Variants in GXYLT2 observed in about 807,000 individuals in gnomAD.
GXYLT2 encodes the protein glucoside xylosyltransferase 2, also known as glycosyltransferase 8 domain containing 4.
In GXYLT2, 53 loss-of-function variants were observed where a neutral mutation model predicts 45.8. That is an observed-to-expected ratio of 1.16 (90% CI 0.93 to 1.46). The LOEUF is 1.46. Among genes scored for constraint, GXYLT2 ranks in the 40% most tolerant of loss-of-function variants. The probability of loss-of-function intolerance (pLI) is 0.00; values close to 1 mark genes in which losing one functional copy is unlikely to be tolerated. For synonymous variants in GXYLT2, 219 were observed against 214.2 expected, an observed-to-expected ratio of 1.02 and a Z score of -0.19; for missense variants, 551 against 544.4, an observed-to-expected ratio of 1.01 and a Z score of -0.12.
intron 2 of GXYLT2, among the ~76,000 whole-genome samples, chr3:72,911,380 G>A: frequency 6.6e-6 from 1 of 152,128 alleles, no homozygotes; most frequent in Admixed American, 6.5e-5. Flanking sequence ...GCCCCCAATG[G>A]TCCCACCTTC....
chr3:72,918,390 C>G (rs1358299445), intron 2 of GXYLT2, among the ~76,000 whole-genome samples: 1 of 152,126 alleles, frequency 6.6e-6, no homozygotes, highest in African/African-American at 2.4e-5. Flanking sequence ...CCAAACTCTT[C>G]TTTAGATTGT....
intron 1 of GXYLT2, among the ~76,000 whole-genome samples, chr3:72,892,391 G>A (rs1709200546): frequency 6.6e-6 from 1 of 152,014 alleles, no homozygotes; most frequent in Admixed American, 6.5e-5. Flanking sequence ...CTTAAAATAT[G>A]GCTTCTAAGG....
chr3:72,915,359 G>C (rs1348936365), intron 2 of GXYLT2, among the ~76,000 whole-genome samples: 1 of 118,730 alleles, frequency 8.4e-6, no homozygotes, highest in African/African-American at 4.7e-5. Context: ...TTTTTTGCGG[G>C]GGGGGGGGGG....
At chr3:72,920,548 C>T (rs1414356944) in intron 2 of GXYLT2, among the ~76,000 whole-genome samples, 10 of 152,122 alleles carry the variant, frequency 6.6e-5, no homozygotes, top group Admixed American at 5.9e-4. Context: ...GGATTACAGG[C>T]GTGAGCCACC....
chr3:72,927,992 G>A (rs944428689), intron 3 of GXYLT2, among the ~76,000 whole-genome samples: 2 of 152,202 alleles, frequency 1.3e-5, no homozygotes, highest in Non-Finnish European at 2.9e-5. Context: ...TCCAAGCACA[G>A]CTAGATCCAG....
At chr3:72,966,458 C>CTTTTTTTTTT (rs10662974) in intron 5 of GXYLT2, among the ~76,000 whole-genome samples, 9 of 101,612 alleles carry the variant, frequency 8.9e-5, no homozygotes, top group African/African-American at 2.4e-4. Flanking sequence ...TTGTGTGTAT[C>CTTTTTTTTTT]TTTTTTTTTT....
chr3:72,938,760 A>T (rs1480076281), intron 3 of GXYLT2, among the ~76,000 whole-genome samples: 2 of 152,246 alleles, frequency 1.3e-5, no homozygotes, highest in East Asian at 3.8e-4. Context: ...GGCCTGTGGA[A>T]AACGTCCTGC....
chr3:72,918,031 A>G (rs1379209781), intron 2 of GXYLT2, among the ~76,000 whole-genome samples: 4 of 152,092 alleles, frequency 2.6e-5, no homozygotes, highest in African/African-American at 7.2e-5. Flanking sequence ...GATAGTAACT[A>G]TTTTAGGCTT....
chr3:72,969,909 GA>G (rs113943491), intron 6 of GXYLT2, among the ~76,000 whole-genome samples: 20 of 103,444 alleles, frequency 1.9e-4, no homozygotes, highest in South Asian at 7.3e-4. Flanking sequence ...ATGTGCATTT[GA>G]AAAAAAAAAA....
chr3:72,942,977 A>T (rs897832939), intron 3 of GXYLT2, among the ~76,000 whole-genome samples: 3 of 152,324 alleles, frequency 2.0e-5, no homozygotes, highest in African/African-American at 7.2e-5. Flanking sequence ...TTAACACAAG[A>T]GAAAGCTGAG....
intron 1 of GXYLT2, among the ~76,000 whole-genome samples, chr3:72,907,484 C>T (rs1331265534): frequency 1.3e-5 from 2 of 152,078 alleles, no homozygotes; most frequent in African/African-American, 2.4e-5. Flanking sequence ...TCTCAGGGCA[C>T]CTTTTCCAGG....
chr3:72,966,384 G>T (rs1465541267), intron 5 of GXYLT2, among the ~76,000 whole-genome samples: 1 of 139,972 alleles, frequency 7.1e-6, no homozygotes, highest in African/African-American at 2.7e-5. Context: ...TTTTAGTTCT[G>T]TCCATTTTAT....
At position 72,892,078 on chromosome 3, in the gene GXYLT2, C is replaced by A. The variant is rs117052402; in HGVS notation, c.275+3570C>A. On this transcript the variant is annotated intron_variant, in intron 1 of 6. Coordinates refer to ENST00000389617, the MANE Select transcript of GXYLT2 (RefSeq NM_001080393.2). ...AAAGAATTTGGCATGTGGAGTCCAG[C>A]AAATTGGGTTCTAGTCCAAAGCCAT... Among the ~76,000 whole-genome samples the A allele has an allele frequency of 6.9e-4, 105 of 152,302 alleles. 2 individuals are homozygous for A. In the East Asian group the frequency reaches 0.018, roughly 26 times the overall value.
chr3:72,914,339 T>G (rs1453588489), intron 2 of GXYLT2, among the ~76,000 whole-genome samples: 1 of 152,066 alleles, frequency 6.6e-6, no homozygotes, highest in Non-Finnish European at 1.5e-5. Context: ...GCCAGCCAGT[T>G]GGTTTCCTAG....
At chr3:72,957,009 T>G (rs1439362000) in intron 4 of GXYLT2, among the ~76,000 whole-genome samples, 2 of 147,190 alleles carry the variant, frequency 1.4e-5, no homozygotes, top group Non-Finnish European at 3.0e-5. Flanking sequence ...GGTTCAACTT[T>G]CAGTCCCTGG....
chr3:72,953,551 A>G (rs1430548327), intron 3 of GXYLT2, among the ~76,000 whole-genome samples: 1 of 152,088 alleles, frequency 6.6e-6, no homozygotes, highest in Non-Finnish European at 1.5e-5. Context: ...CGGCCTCCCA[A>G]AGTGCTAGGA....
Position 72,957,232 on chromosome 3 carries a change from A to G in GXYLT2, c.856A>G (p.Ser286Gly), listed in dbSNP as rs750649919. The G allele has an allele frequency of 1.3e-5, 21 of 1,609,646 alleles. No individual in the cohort carries two copies. In the Admixed American group the frequency reaches 3.4e-4, roughly 26 times the overall value. Residue 286 changes from serine to glycine, a missense_variant, in exon 5 of 7, where the codon AGC becomes GGC. By Grantham distance (56) the Ser-to-Gly change is moderately conservative. Coordinates refer to ENST00000389617, the MANE Select transcript of GXYLT2 (RefSeq NM_001080393.2). ...TRIRSTQFKN[S>G]MIPTGLAWED... ...CTGATGGTTTTCTTTTTTCCAGAACAGCATGATTCCAACAGGCCTGGCTTG... is the reference window on the plus strand; with the variant it reads ...CTGATGGTTTTCTTTTTTCCAGAACGGCATGATTCCAACAGGCCTGGCTTG...
rs1475827614 is a variant in GXYLT2, at chr3:72,915,357, G to C, written c.468+6798G>C. Among the ~76,000 whole-genome samples, 19 of 54,676 alleles carry C rather than the reference G, an allele frequency of 3.5e-4. 1 individual carries two copies. The highest frequency in any genetic ancestry group is 4.9e-4 in the Non-Finnish European group (16 of 32,434). The allele number at this position is 54,676 out of a possible 152,430, so 35.9% of individuals were successfully genotyped here. A position where few individuals can be genotyped will look rare whatever the true frequency, so the allele number is the denominator to read the frequency against. On this transcript the variant is annotated intron_variant, in intron 2 of 6. Transcript: ENST00000389617. ...CATTTCCTTTTTTTTTTTTTTTTGC[G>C]GGGGGGGGGGGGATTTAGGAAAAAT...
At chr3:72,922,465 C>T (rs1709848737) in intron 3 of GXYLT2, 130 bp downstream of exon 3, 1 of 865,778 alleles carries the variant, frequency 1.2e-6, no homozygotes, top group Non-Finnish European at 1.7e-6. Context: ...AGCTGATGCT[C>T]TAAGTCTGCA....
Sources: gnomAD v4.1 joint callset for allele counts (sites outside exome capture counted in the v4.1 genomes callset) on GRCh38, gnomAD v4.1.1 for gene constraint, MANE v1.5 for transcripts, NCBI Gene and HGNC (gene_info 2026-07-23, HGNC 2026-07-21) for gene names.